Variants in STX18 observed in about 807,000 individuals in gnomAD.
The protein encoded by STX18 is syntaxin-18.
Under a neutral mutation model 50.1 loss-of-function variants are expected in STX18, and 40 were observed. The observed-to-expected ratio is 0.80, with a 90% confidence interval of 0.62 to 1.04. The LOEUF (loss-of-function observed/expected upper bound fraction) is 1.04. STX18 is among the 50% of genes least tolerant of loss of function. The pLI, the probability that STX18 is intolerant of heterozygous loss-of-function variation, is 0.00. For missense variants in STX18, 410 were observed against 415.8 expected, an observed-to-expected ratio of 0.99 and a Z score of 0.12; for synonymous variants, 158 against 151.8, an observed-to-expected ratio of 1.04 and a Z score of -0.30.
intron 2 of STX18, among the ~76,000 whole-genome samples, chr4:4,469,000 A>G (rs1727768181): frequency 6.6e-6 from 1 of 152,234 alleles, no homozygotes; most frequent in Admixed American, 6.5e-5. Context: ...GAACCTCAAA[A>G]ACATGTGGAG....
intron 7 of STX18, among the ~76,000 whole-genome samples, chr4:4,430,637 G>A (rs1387977432): frequency 1.3e-5 from 2 of 152,216 alleles, no homozygotes; most frequent in Non-Finnish European, 2.9e-5. Context: ...TGAAACAGAA[G>A]CATGCTGCAT....
intron 1 of STX18, among the ~76,000 whole-genome samples, chr4:4,526,928 A>G (rs1730795840): frequency 6.6e-6 from 1 of 152,236 alleles, no homozygotes; most frequent in South Asian, 2.1e-4. Flanking sequence ...ATTTTCAATC[A>G]TTTACCCACA....
intron 1 of STX18, among the ~76,000 whole-genome samples, chr4:4,486,308 T>C (rs1404539861): frequency 6.6e-6 from 1 of 152,192 alleles, no homozygotes; most frequent in Non-Finnish European, 1.5e-5. Flanking sequence ...CTTAGGGCAT[T>C]TCAGCTGCAG....
At chr4:4,428,749 T>A (rs1230339769) in intron 7 of STX18, among the ~76,000 whole-genome samples, 1 of 152,174 alleles carries the variant, frequency 6.6e-6, no homozygotes, top group African/African-American at 2.4e-5. Flanking sequence ...TGTCTCTTTG[T>A]GGCCACACTT....
chr4:4,450,917 G>A (rs1490011144), intron 5 of STX18, among the ~76,000 whole-genome samples: 1 of 152,200 alleles, frequency 6.6e-6, no homozygotes, highest in Non-Finnish European at 1.5e-5. Flanking sequence ...TAATGTACAA[G>A]TTTCCAATTT....
intron 1 of STX18, among the ~76,000 whole-genome samples, chr4:4,528,878 C>T (rs545239788): frequency 5.3e-5 from 8 of 152,214 alleles, no homozygotes; most frequent in South Asian, 2.1e-4. Context: ...GAGATCTCCA[C>T]GGAACTGACC....
At chr4:4,527,838 CTT>C (rs1577404404) in intron 1 of STX18, among the ~76,000 whole-genome samples, 1 of 97,644 alleles carries the variant, frequency 1.0e-5, no homozygotes, top group East Asian at 2.2e-4. Context: ...ATATATATGT[CTT>C]TATATATATA....
At chr4:4,532,824 G>A (rs1245558069) in intron 1 of STX18, among the ~76,000 whole-genome samples, 1 of 152,144 alleles carries the variant, frequency 6.6e-6, no homozygotes, top group Non-Finnish European at 1.5e-5. Flanking sequence ...TAAGACTATA[G>A]AATTCACTGC....
At position 4,434,930 on chromosome 4, in the gene STX18, T is replaced by C. The variant is rs1200821057; in HGVS notation, c.614-72A>G. 6.8e-6 allele frequency: 7 copies of C among 1,030,308 alleles called. No individual in the cohort carries two copies. In the East Asian group the frequency reaches 1.0e-4, roughly 15 times the overall value. 63.8% of individuals were successfully genotyped at this position (1,030,308 alleles called of 1,614,324 possible). A position where few individuals can be genotyped will look rare whatever the true frequency, so the allele number is the denominator to read the frequency against. On this transcript the variant is annotated intron_variant, in intron 6 of 10. Transcript: ENST00000306200. ...AATAGGCTGGCTTAGGATGTAGTCATAACACAAACAAGAGATTAAACAGAA... is the reference window on the plus strand; with the variant it reads ...AATAGGCTGGCTTAGGATGTAGTCACAACACAAACAAGAGATTAAACAGAA...
chr4:4,442,495 T>C (rs1726168452), intron 5 of STX18, among the ~76,000 whole-genome samples: 1 of 152,108 alleles, frequency 6.6e-6, no homozygotes, highest in African/African-American at 2.4e-5. Flanking sequence ...CACGCACCTG[T>C]AGTCCCAGCT....
intron 2 of STX18, among the ~76,000 whole-genome samples, chr4:4,467,011 G>A (rs1316026958): frequency 6.6e-6 from 1 of 152,128 alleles, no homozygotes; most frequent in Non-Finnish European, 1.5e-5. Flanking sequence ...GTTTCTGGGT[G>A]GGGGCCATAA....
chr4:4,512,182 G>C (rs763752587), intron 1 of STX18, among the ~76,000 whole-genome samples: 1 of 152,008 alleles, frequency 6.6e-6, no homozygotes, highest in Non-Finnish European at 1.5e-5. Context: ...AACTCCTCTA[G>C]AACTCTCTTA....
chr4:4,488,952 A>G (rs943962029), intron 1 of STX18, among the ~76,000 whole-genome samples: 6 of 152,204 alleles, frequency 3.9e-5, no homozygotes, highest in Non-Finnish European at 5.9e-5. Flanking sequence ...ACATACATTC[A>G]ACATCCATTC....
chr4:4,456,166 G>C (rs1265287911), intron 5 of STX18, among the ~76,000 whole-genome samples: 1 of 151,900 alleles, frequency 6.6e-6, no homozygotes, highest in Admixed American at 6.6e-5. Flanking sequence ...TGTAATCCCA[G>C]CTACTCGGAA....
chr4:4,434,738 A>C (rs753098578), intron 7 of STX18, 32 bp downstream of exon 7: 1 of 1,570,414 alleles, frequency 6.4e-7, no homozygotes, highest in Non-Finnish European at 8.7e-7. Flanking sequence ...AAACCAGTTA[A>C]AAATAAATAA....
chr4:4,434,224 G>A (rs2108783380), intron 7 of STX18, among the ~76,000 whole-genome samples: 3 of 152,308 alleles, frequency 2.0e-5, no homozygotes, highest in African/African-American at 7.2e-5. Context: ...CCAGTGTCCA[G>A]ATGAGCTGCA....
At chr4:4,479,020 C>T (rs904441294) in intron 1 of STX18, 2 of 152,422 alleles carry the variant, frequency 1.3e-5, no homozygotes, top group African/African-American at 4.8e-5. Flanking sequence ...CAACTTTTAA[C>T]CTTTGCCAGC....
chr4:4,460,594 C>T (rs62289814), intron 2 of STX18, among the ~76,000 whole-genome samples: 6,499 of 152,194 alleles, frequency 0.043, 166 homozygotes, highest in African/African-American at 0.078. Flanking sequence ...ATCCCACGGC[C>T]CCTACCCCAC....
At position 4,457,436 on chromosome 4, in the gene STX18, T is replaced by C. The variant is rs1490276715; in HGVS notation, c.417A>G (p.Glu139=). Residue 139 remains glutamate, a synonymous_variant, in exon 4 of 11, where the codon GAA becomes GAG. Coordinates refer to ENST00000306200, the MANE Select transcript of STX18 (RefSeq NM_016930.4). ...EHRTAVLDFI[E]DYLKRVCKLY... ...AAAATGAAATACTTTTCAAGTAATC[T>C]TCAATGAAATCCAAAACAGCGGTCC... 6.2e-7 allele frequency: 1 copy of C among 1,613,600 alleles called. No homozygotes were observed. Among genetic ancestry groups the C allele is most frequent in the East Asian group, 2.2e-5 (1 of 44,870 alleles).
Sources: gnomAD v4.1 joint callset for allele counts (sites outside exome capture counted in the v4.1 genomes callset) on GRCh38, gnomAD v4.1.1 for gene constraint, MANE v1.5 for transcripts, NCBI Gene and HGNC (gene_info 2026-07-23, HGNC 2026-07-21) for gene names.